TRIM34: variants seen among roughly 807,000 people sequenced by gnomAD.
The protein encoded by TRIM34 is tripartite motif containing 34, also known as E3 ubiquitin-protein ligase TRIM34.
Under a neutral mutation model 38.1 loss-of-function variants are expected in TRIM34, and 41 were observed. The ratio of observed to expected loss-of-function variants is 1.08; its 90% CI spans 0.84 to 1.40. The LOEUF is 1.40. Ranked by LOEUF, TRIM34 falls within the 40% of genes most tolerant of loss-of-function variation. TRIM34 has a pLI of 0.00. For missense variants in TRIM34, 556 were observed against 571.4 expected (o/e 0.97, Z 0.27); for synonymous variants, 200 against 202.5 (o/e 0.99, Z 0.10).
intron 1 of TRIM34, among the ~76,000 whole-genome samples, chr11:5,625,352 T>G (rs1849159117): frequency 6.6e-6 from 1 of 152,178 alleles, no homozygotes; most frequent in South Asian, 2.1e-4. Flanking sequence ...ATAATTTTGA[T>G]TTTCTACCTT....
intron 4 of TRIM34, among the ~76,000 whole-genome samples, chr11:5,637,769 T>A (rs1849809756): frequency 6.6e-6 from 1 of 152,208 alleles, no homozygotes; most frequent in Admixed American, 6.5e-5. Context: ...TGCTCTACTT[T>A]GATAACCACT....
At chr11:5,629,889 G>T (rs944641214) in intron 1 of TRIM34, among the ~76,000 whole-genome samples, 1 of 152,142 alleles carries the variant, frequency 6.6e-6, no homozygotes, top group African/African-American at 2.4e-5. Flanking sequence ...TGTATTTTTA[G>T]TAGAGATGGG....
intron 6 of TRIM34, 129 bp downstream of exon 6, chr11:5,642,635 G>C: frequency 3.6e-6 from 5 of 1,384,288 alleles, no homozygotes; most frequent in South Asian, 1.4e-5. Context: ...GGAATATTCT[G>C]TGGTGAAGAG....
In TRIM34 at chr11:5,625,487, A is replaced by G. The variant is rs116225284; in HGVS notation, c.-78+427A>G. ...GGTGAAAGGAGGTCTCTGTTTTCCA[A>G]GTGTGTGCAGGGCTTAGCTCCTAGT... is the stretch of plus-strand genomic sequence containing the variant. On this transcript the variant is annotated intron_variant, in intron 1 of 7. Transcript: ENST00000429814. 2.0e-3 allele frequency among the ~76,000 whole-genome samples: 306 copies of G among 152,178 alleles called. 2 individuals carry two copies. The highest frequency in any genetic ancestry group is 7.0e-3 in the African/African-American group (291 of 41,510).
chr11:5,630,163 G>A (rs1372089342), intron 1 of TRIM34, among the ~76,000 whole-genome samples: 1 of 152,136 alleles, frequency 6.6e-6, no homozygotes, highest in African/African-American at 2.4e-5. Context: ...TGTTACAAGA[G>A]TCTCAATCCT....
chr11:5,622,749 A>G (rs375554769), upstream of TRIM34, among the ~76,000 whole-genome samples: 160 of 152,374 alleles, frequency 1.1e-3, no homozygotes, highest in African/African-American at 3.6e-3. Context: ...ACATGCTTTA[A>G]CAAATCTGTC....
intron 4 of TRIM34, among the ~76,000 whole-genome samples, chr11:5,638,120 A>T (rs1457940199): frequency 6.6e-6 from 1 of 152,238 alleles, no homozygotes; most frequent in Non-Finnish European, 1.5e-5. Flanking sequence ...GATTATTTTA[A>T]GTTGGACATC....
exon 8 of TRIM34, chr11:5,644,395 AAAAGT>A (rs1427687433): frequency 1.1e-4 from 45 of 396,246 alleles, no homozygotes; most frequent in Non-Finnish European, 1.8e-4. Flanking sequence ...ATGATTGCTA[AAAAGT>A]GTGAGCTGTA....
chr11:5,641,308 A>G (rs1463271408), intron 5 of TRIM34, 119 bp downstream of exon 5: 5 of 1,563,356 alleles, frequency 3.2e-6, no homozygotes, highest in Non-Finnish European at 4.3e-6. Flanking sequence ...ATTTGGATGT[A>G]TCGTTATCTT....
At chr11:5,636,542 A>C (rs1267169331) in intron 4 of TRIM34, among the ~76,000 whole-genome samples, 1 of 152,198 alleles carries the variant, frequency 6.6e-6, no homozygotes, top group Non-Finnish European at 1.5e-5. Context: ...TAAAAACAAA[A>C]ACAAAAAGGT....
At chr11:5,631,939 G>A (rs936699697) in intron 1 of TRIM34, among the ~76,000 whole-genome samples, 2 of 152,188 alleles carry the variant, frequency 1.3e-5, no homozygotes, top group Admixed American at 1.3e-4. Context: ...TGAATGATGA[G>A]TTTGTGGTTG....
intron 4 of TRIM34, among the ~76,000 whole-genome samples, chr11:5,638,155 G>A (rs1356524149): frequency 6.6e-6 from 1 of 152,168 alleles, no homozygotes; most frequent in Non-Finnish European, 1.5e-5. Flanking sequence ...ATGCTTGTGG[G>A]TGACAAAATT....
chr11:5,622,488 G>GCGTGGT (rs1849027935), upstream of TRIM34, among the ~76,000 whole-genome samples: 1 of 151,312 alleles, frequency 6.6e-6, no homozygotes, highest in South Asian at 2.1e-4. Context: ...TGGACGTGGT[G>GCGTGGT]GCGCATGCCT....
intron 1 of TRIM34, among the ~76,000 whole-genome samples, chr11:5,629,232 G>T (rs1480547490): frequency 6.6e-6 from 1 of 151,970 alleles, no homozygotes; most frequent in African/African-American, 2.4e-5. Context: ...AGCTGAGATT[G>T]TACCATTGCA....
intron 2 of TRIM34, among the ~76,000 whole-genome samples, chr11:5,632,958 C>G (rs1849547741): frequency 6.7e-6 from 1 of 148,590 alleles, no homozygotes. Context: ...TCCCAAGTAG[C>G]TCGGATTACA....
At chr11:5,634,115 A>G (rs1000685025) in intron 3 of TRIM34, among the ~76,000 whole-genome samples, 1 of 152,228 alleles carries the variant, frequency 6.6e-6, no homozygotes, top group Non-Finnish European at 1.5e-5. Context: ...GATAGACTCT[A>G]TGATGAGGAA....
Position 5,643,165 on chromosome 11 carries a change from T to G in TRIM34, c.923T>G (p.Val308Gly). 1 of 1,554,804 alleles carries G rather than the reference T, an allele frequency of 6.4e-7. No homozygotes were observed. Among genetic ancestry groups the G allele is most frequent in the Non-Finnish European group, 8.6e-7 (1 of 1,156,452 alleles). Residue 308 changes from valine (V) to glycine (G), a missense_variant, in exon 8 of 8, where the codon GTC (valine) becomes GGC (glycine). Coordinates refer to ENST00000429814, the MANE Select transcript of TRIM34 (RefSeq NM_021616.6). ...CYWVDVTLNS[V>G]NLNLNLVLSE... ...GCAGTGGATGTCACACTGAATTCAG[T>G]CAACCTAAATTTGAATCTTGTCCTT...
chr11:5,622,525 G>A (rs1849028697), upstream of TRIM34, among the ~76,000 whole-genome samples: 1 of 151,988 alleles, frequency 6.6e-6, no homozygotes, highest in African/African-American at 2.4e-5. Context: ...AGGAGGCTGA[G>A]GTAGGAGAAT....
chr11:5,627,958 G>C (rs1222526195), intron 1 of TRIM34, among the ~76,000 whole-genome samples: 1 of 152,198 alleles, frequency 6.6e-6, no homozygotes, highest in Admixed American at 6.5e-5. Context: ...GTTAGGAGAA[G>C]ACTCAAATGA....
Sources: gnomAD v4.1 joint callset for allele counts (sites outside exome capture counted in the v4.1 genomes callset) on GRCh38, gnomAD v4.1.1 for gene constraint, MANE v1.5 for transcripts, NCBI Gene and HGNC (gene_info 2026-07-23, HGNC 2026-07-21) for gene names.